SYN3: variants seen among roughly 807,000 people sequenced by gnomAD.
SYN3 encodes synapsin III, also known as synapsin-3.
A neutral mutation model predicts 65.8 loss-of-function variants in SYN3; 35 were observed. The ratio of observed to expected loss-of-function variants is 0.53; its 90% CI spans 0.41 to 0.70. The LOEUF (loss-of-function observed/expected upper bound fraction) is 0.70. Among genes scored for constraint, SYN3 ranks in the 30% least tolerant of loss-of-function variants. The pLI is 0.00. For missense variants in SYN3, 680 were observed against 749.0 expected (o/e 0.91, Z 1.08); for synonymous variants, 270 against 292.9 (o/e 0.92, Z 0.80).
chr22:32,668,518 TTTCTCC>T lies in SYN3; in HGVS notation c.712-71788_712-71783del, dbSNP rs1296527576. 5.3e-5 allele frequency among the ~76,000 whole-genome samples: 8 copies of T among 152,004 alleles called. No individual in the cohort carries two copies. The East Asian group carries it at 5.8e-4, about 11-fold the overall frequency. On this transcript the variant is annotated intron_variant, in intron 6 of 13. Transcript: ENST00000358763. ...CTCCTCCCTTCACTCCTTTCCTTCC[TTTCTCC>T]TTCTCCTTCTCCTTCCCCTCTTCCT...
At chr22:32,527,859 C>T (rs1284124900) in intron 12 of SYN3, 59 bp downstream of exon 12, 10 of 1,414,278 alleles carry the variant, frequency 7.1e-6, no homozygotes, top group East Asian at 2.5e-5. Flanking sequence ...GTGGATCCCT[C>T]GGTGCATTTC....
Position 32,684,050 on chromosome 22 carries a change from T to C in SYN3, c.712-87314A>G, listed in dbSNP as rs78140417. On this transcript the variant is annotated intron_variant, in intron 6 of 13. Transcript: ENST00000358763. ...AGGAACAATTCCTATCCCACCCATG[T>C]GATCCCAATTGAGCATCAAATATGA... Among the ~76,000 whole-genome samples the C allele has an allele frequency of 8.7e-3, 1,326 of 152,310 alleles. 18 individuals carry two copies. Among genetic ancestry groups the C allele is most frequent in the African/African-American group, 0.029 (1,202 of 41,560 alleles).
At position 32,512,230 on chromosome 22, in the gene SYN3, G is replaced by A. The variant is rs1386439001; in HGVS notation, c.*1462C>T. Among the ~76,000 whole-genome samples, 1 of 152,236 alleles carries A rather than the reference G, an allele frequency of 6.6e-6. No individual in the cohort carries two copies. Among genetic ancestry groups the A allele is most frequent in the Non-Finnish European group, 1.5e-5 (1 of 68,038 alleles). On this transcript the variant is annotated 3_prime_UTR_variant, in exon 14 of 14. Transcript: ENST00000358763. Reference sequence around the variant, plus strand: ...CTACATTGCTTGGGCATAACTAGAAGCTGCTCCAGGCCAAAGCCACTTCCA... The same window carrying A: ...CTACATTGCTTGGGCATAACTAGAAACTGCTCCAGGCCAAAGCCACTTCCA...
intron 1 of SYN3, among the ~76,000 whole-genome samples, chr22:33,017,760 G>GT (rs133958): frequency 0.45 from 65,820 of 146,014 alleles, 14,802 homozygotes; most frequent in Middle Eastern, 0.52. Context: ...GTTCTAACAG[G>GT]TTTTTTTTTT....
chr22:32,735,945 A>T (rs1602017759), intron 6 of SYN3, among the ~76,000 whole-genome samples: 1 of 152,176 alleles, frequency 6.6e-6, no homozygotes, highest in Non-Finnish European at 1.5e-5. Flanking sequence ...AGGCAGGGGG[A>T]TGGCAGCAAG....
rs576504058 is a variant in SYN3 at position 32,512,612 on chromosome 22, T to C, written c.*1080A>G. On this transcript the variant is annotated 3_prime_UTR_variant, in exon 14 of 14. Transcript: ENST00000358763. ...AATTCCGAAAGCCTTTGACATATATTATATACAATGCGTCTCCAAAAAAAG... is the reference window on the plus strand; with the variant it reads ...AATTCCGAAAGCCTTTGACATATATCATATACAATGCGTCTCCAAAAAAAG... The C allele has an allele frequency of 6.6e-6, 1 of 152,332 alleles. No individual in the cohort carries two copies. The highest frequency in any genetic ancestry group is 1.9e-4 in the East Asian group (1 of 5,194). The allele number at this position is 152,332 out of a possible 1,614,324, so 9.4% of individuals were successfully genotyped here. A position where few individuals can be genotyped will look rare whatever the true frequency, so the allele number is the denominator to read the frequency against.
intron 6 of SYN3, among the ~76,000 whole-genome samples, chr22:32,734,513 G>GCAGACAGGCAGACAGACAGA (rs1555941123): frequency 1.3e-5 from 2 of 151,318 alleles, no homozygotes; most frequent in Non-Finnish European, 2.9e-5. Context: ...AGGCAGGCAG[G>GCAGACAGGCAGACAGACAGA]CAGACAGACA....
chr22:32,740,757 G>A (rs1249444664), intron 6 of SYN3, among the ~76,000 whole-genome samples: 2 of 152,210 alleles, frequency 1.3e-5, no homozygotes, highest in Non-Finnish European at 2.9e-5. Flanking sequence ...TTGAATTACA[G>A]CCATTCAGAG....
intron 6 of SYN3, among the ~76,000 whole-genome samples, chr22:32,674,209 G>T (rs1352251873): frequency 6.6e-6 from 1 of 152,198 alleles, no homozygotes; most frequent in Non-Finnish European, 1.5e-5. Context: ...TTTCCAAGCT[G>T]TGAATTGCAC....
chr22:32,965,781 G>A (rs935739663), intron 3 of SYN3, among the ~76,000 whole-genome samples: 1 of 151,904 alleles, frequency 6.6e-6, no homozygotes, highest in Non-Finnish European at 1.5e-5. Flanking sequence ...TGCAAGCTCC[G>A]CCTCCCGGGT....
intron 7 of SYN3, among the ~76,000 whole-genome samples, chr22:32,559,725 G>A (rs2058557185): frequency 6.6e-6 from 1 of 151,992 alleles, no homozygotes; most frequent in African/African-American, 2.4e-5. Flanking sequence ...CAGCACTCTG[G>A]AGGCTGAGGC....
At chr22:32,956,062 A>ATATAT (rs58485646) in intron 3 of SYN3, among the ~76,000 whole-genome samples, 1 of 144,924 alleles carries the variant, frequency 6.9e-6, no homozygotes, top group African/African-American at 2.6e-5. Flanking sequence ...ATATATATAT[A>ATATAT]AAATCTCCTA....
intron 8 of SYN3, among the ~76,000 whole-genome samples, chr22:32,539,946 C>T (rs1309874753): frequency 6.6e-6 from 1 of 152,166 alleles, no homozygotes; most frequent in East Asian, 1.9e-4. Context: ...GTGATTTTAT[C>T]ACCCCGAGGC....
intron 6 of SYN3, among the ~76,000 whole-genome samples, chr22:32,671,400 A>G (rs1269453052): frequency 6.6e-6 from 1 of 151,820 alleles, no homozygotes; most frequent in East Asian, 1.9e-4. Context: ...GCATCCTCTC[A>G]CACTCATCTC....
chr22:32,841,161 C>T (rs1054976324), intron 6 of SYN3, among the ~76,000 whole-genome samples: 3 of 152,228 alleles, frequency 2.0e-5, no homozygotes, highest in African/African-American at 4.8e-5. Flanking sequence ...TATGAGGTGC[C>T]TGTTATGTGC....
chr22:32,857,195 A>G, intron 6 of SYN3: 1 of 1,358,940 alleles, frequency 7.4e-7, no homozygotes, highest in Non-Finnish European at 1.1e-6. Flanking sequence ...ATTAGGGATC[A>G]TACGGGTGTC....
intron 6 of SYN3, among the ~76,000 whole-genome samples, chr22:32,744,910 C>T (rs371025790): frequency 6.8e-4 from 104 of 152,192 alleles, no homozygotes; most frequent in Admixed American, 2.0e-3. Context: ...GCCGGGGAGT[C>T]GGGCTTGTCC....
At chr22:32,564,738 C>T (rs1266638380) in intron 7 of SYN3, among the ~76,000 whole-genome samples, 1 of 149,876 alleles carries the variant, frequency 6.7e-6, no homozygotes, top group African/African-American at 2.5e-5. Context: ...CCAAACAGTG[C>T]TCCTGGGCTG....
At chr22:32,844,498 A>G (rs2048005358) in intron 6 of SYN3, among the ~76,000 whole-genome samples, 1 of 152,204 alleles carries the variant, frequency 6.6e-6, no homozygotes, top group Admixed American at 6.5e-5. Flanking sequence ...GCCCAAACAA[A>G]TATTCAAAGG....
Sources: gnomAD v4.1 joint callset for allele counts (sites outside exome capture counted in the v4.1 genomes callset) on GRCh38, gnomAD v4.1.1 for gene constraint, MANE v1.5 for transcripts, NCBI Gene and HGNC (gene_info 2026-07-23, HGNC 2026-07-21) for gene names.